EYS: variants seen among roughly 807,000 people sequenced by gnomAD.
EYS encodes the protein protein eyes shut homolog.
A neutral mutation model predicts 282.1 loss-of-function variants in EYS; 250 were observed. That is an observed-to-expected ratio of 0.89 (90% CI 0.80 to 0.98). EYS has a LOEUF of 0.98. Ranked by LOEUF, EYS falls within the 50% of genes least tolerant of loss-of-function variation. EYS has a pLI of 0.00. For missense variants in EYS, 4,016 were observed against 3,709.0 expected, an observed-to-expected ratio of 1.08 and a Z score of -2.15; for synonymous variants, 1,355 against 1,282.9, an observed-to-expected ratio of 1.06 and a Z score of -1.20.
intron 6 of EYS, among the ~76,000 whole-genome samples, chr6:65,403,100 T>C: frequency 6.6e-6 from 1 of 152,014 alleles, no homozygotes; most frequent in Non-Finnish European, 1.5e-5. Flanking sequence ...CTAGACACTT[T>C]CCGATGGCAA....
At chr6:65,269,342 G>A (rs1272197737) in intron 12 of EYS, among the ~76,000 whole-genome samples, 1 of 152,196 alleles carries the variant, frequency 6.6e-6, no homozygotes, top group African/African-American at 2.4e-5. Flanking sequence ...CACAGTGAGA[G>A]AACTGGATTT....
At chr6:63,884,399 T>C (rs953310226) in intron 35 of EYS, among the ~76,000 whole-genome samples, 3 of 152,166 alleles carry the variant, frequency 2.0e-5, no homozygotes, top group African/African-American at 7.2e-5. Context: ...AACTGGATAG[T>C]AATTACCCTT....
At chr6:64,668,855 C>G (rs1289486991) in intron 22 of EYS, among the ~76,000 whole-genome samples, 1 of 152,040 alleles carries the variant, frequency 6.6e-6, no homozygotes, top group Non-Finnish European at 1.5e-5. Context: ...GTGTGAGCCA[C>G]CACACCTGGC....
At chr6:65,284,948 T>C (rs919948765) in intron 12 of EYS, among the ~76,000 whole-genome samples, 6 of 152,052 alleles carry the variant, frequency 3.9e-5, no homozygotes, top group African/African-American at 1.2e-4. Flanking sequence ...CACTAAAATA[T>C]CTTTAAAAGC....
At chr6:63,816,007 T>A (rs1771168348) in intron 36 of EYS, among the ~76,000 whole-genome samples, 1 of 152,220 alleles carries the variant, frequency 6.6e-6, no homozygotes, top group Non-Finnish European at 1.5e-5. Context: ...GTGGTTTAGC[T>A]GTTGAAGTAC....
chr6:64,900,211 A>G (rs1767611921), intron 18 of EYS, among the ~76,000 whole-genome samples: 1 of 152,252 alleles, frequency 6.6e-6, no homozygotes, highest in Admixed American at 6.5e-5. Flanking sequence ...CCTTCCTTAC[A>G]CATTATACAA....
At chr6:65,079,061 T>C (rs1774145625) in intron 12 of EYS, among the ~76,000 whole-genome samples, 1 of 151,904 alleles carries the variant, frequency 6.6e-6, no homozygotes, top group Admixed American at 6.6e-5. Context: ...TTAATTCTCT[T>C]CTCTTTATAA....
At chr6:63,757,529 T>C (rs1052283123) in intron 41 of EYS, among the ~76,000 whole-genome samples, 4 of 152,124 alleles carry the variant, frequency 2.6e-5, no homozygotes, top group African/African-American at 9.7e-5. Context: ...CAGAAGCATG[T>C]GATCTTTGTG....
At chr6:65,263,380 T>C (rs1371424145) in intron 12 of EYS, among the ~76,000 whole-genome samples, 2 of 152,006 alleles carry the variant, frequency 1.3e-5, no homozygotes, top group Non-Finnish European at 2.9e-5. Flanking sequence ...AAGTTAAATA[T>C]GGAGAGTGTT....
chr6:65,617,435 G>C (rs1024263056), intron 2 of EYS, among the ~76,000 whole-genome samples: 2 of 151,878 alleles, frequency 1.3e-5, no homozygotes, highest in Non-Finnish European at 2.9e-5. Flanking sequence ...AATGATACCT[G>C]AATTAAAATT....
chr6:63,997,351 T>C (rs953528400), intron 34 of EYS, among the ~76,000 whole-genome samples: 6 of 152,200 alleles, frequency 3.9e-5, no homozygotes, highest in South Asian at 2.1e-4. Flanking sequence ...GGGACTGAAG[T>C]GTGTCTGAGA....
chr6:65,032,143 TA>T (rs1772625409), intron 13 of EYS, among the ~76,000 whole-genome samples: 1 of 151,844 alleles, frequency 6.6e-6, no homozygotes. Context: ...AAATCTAAAA[TA>T]AGTGAATAAA....
intron 28 of EYS, among the ~76,000 whole-genome samples, chr6:64,424,929 G>A (rs1464570314): frequency 1.3e-5 from 2 of 152,120 alleles, no homozygotes; most frequent in African/African-American, 2.4e-5. Flanking sequence ...TACCTCTAGA[G>A]ATGACTTTTA....
At position 63,824,545 on chromosome 6, in the gene EYS, A is replaced by G. The variant is rs1297178287; in HGVS notation, c.7229-18173T>C. Among the ~76,000 whole-genome samples, 4 of 152,208 alleles carry G rather than the reference A, an allele frequency of 2.6e-5. No individual in the cohort carries two copies. In the East Asian group the frequency reaches 7.7e-4, roughly 29 times the overall value. On this transcript the variant is annotated intron_variant, in intron 36 of 42. Coordinates refer to ENST00000503581, the MANE Select transcript of EYS (RefSeq NM_001142800.2). ...GAAGGAAGTGGACTGCTGCTGCAGGACGCGGAGACACCCCAAATTCTGTGA... is the reference window on the plus strand; with the variant it reads ...GAAGGAAGTGGACTGCTGCTGCAGGGCGCGGAGACACCCCAAATTCTGTGA...
chr6:64,678,313 C>G (rs1394476782), intron 22 of EYS, among the ~76,000 whole-genome samples: 1 of 152,224 alleles, frequency 6.6e-6, no homozygotes, highest in Non-Finnish European at 1.5e-5. Flanking sequence ...TGCGGTGGCT[C>G]ACACCTGTAA....
intron 32 of EYS, among the ~76,000 whole-genome samples, chr6:64,080,896 G>A (rs1052575267): frequency 2.0e-5 from 3 of 152,062 alleles, no homozygotes; most frequent in Non-Finnish European, 2.9e-5. Flanking sequence ...TGAGGGCTGT[G>A]TTCTGTTCCA....
intron 36 of EYS, among the ~76,000 whole-genome samples, chr6:63,851,814 T>C (rs1562060057): frequency 6.6e-6 from 1 of 151,592 alleles, no homozygotes; most frequent in Non-Finnish European, 1.5e-5. Flanking sequence ...AAGAAATAAC[T>C]AAGATCAGAG....
chr6:64,672,338 T>A (rs1769492073), intron 22 of EYS, among the ~76,000 whole-genome samples: 1 of 152,170 alleles, frequency 6.6e-6, no homozygotes. Context: ...TAGATACAAG[T>A]ACGTACAATC....
chr6:64,591,611 A>G lies in EYS; in HGVS notation c.4256T>C (p.Leu1419Ser), dbSNP rs624851. ...TACTGAAGTCGTTGGGGTAGCAGATAAAGCAACAGTCTGACAGTTCTCAAA... is the reference window on the plus strand; with the variant it reads ...TACTGAAGTCGTTGGGGTAGCAGATGAAGCAACAGTCTGACAGTTCTCAAA... ...LLFENCQTVA[L>S]SATPTTSVIR... The change falls in exon 26 of 43, where the codon TTA (leucine) becomes TCA (serine). Residue 1419 changes from leucine (L) to serine (S), a missense_variant. By Grantham distance (145) the Leu-to-Ser change is moderately radical. Transcript: ENST00000503581. The G allele has an allele frequency of 0.72, 1,113,298 of 1,550,802 alleles. 402,452 individuals carry two copies. The highest frequency in any genetic ancestry group is 0.94 in the African/African-American group (69,008 of 73,062).
Sources: gnomAD v4.1 joint callset for allele counts (sites outside exome capture counted in the v4.1 genomes callset) on GRCh38, gnomAD v4.1.1 for gene constraint, MANE v1.5 for transcripts, NCBI Gene and HGNC (gene_info 2026-07-23, HGNC 2026-07-21) for gene names.